The following OXSR1 variants were observed in gnomAD, a reference collection of about 807,000 sequenced individuals.
OXSR1 encodes the protein serine/threonine-protein kinase OSR1.
In OXSR1, 24 loss-of-function variants were observed where a neutral mutation model predicts 79.8. That is an observed-to-expected ratio of 0.30 (90% CI 0.22 to 0.42). The LOEUF (loss-of-function observed/expected upper bound fraction) is 0.42. OXSR1 is among the 10% of genes least tolerant of loss of function. OXSR1 has a pLI of 1.00. For synonymous variants in OXSR1, 226 were observed against 209.2 expected (o/e 1.08, Z -0.69); for missense variants, 430 against 618.4 (o/e 0.70, Z 3.23).
chr3:38,252,655 G>GC (rs1250580446), intron 17 of OXSR1, among the ~76,000 whole-genome samples, 162 bp from the exon 18 acceptor site: 2 of 152,014 alleles, frequency 1.3e-5, no homozygotes, highest in Non-Finnish European at 2.9e-5. Context: ...TGTTTACCCA[G>GC]CCCCCCTCTT....
At chr3:38,226,997 G>A (rs1702702398) in intron 8 of OXSR1, among the ~76,000 whole-genome samples, 1 of 152,228 alleles carries the variant, frequency 6.6e-6, no homozygotes, top group African/African-American at 2.4e-5. Context: ...GTGGTGAATG[G>A]CATGTAGGAA....
chr3:38,247,512 T>C (rs1448434514), intron 13 of OXSR1, among the ~76,000 whole-genome samples, 156 bp from the exon 14 acceptor site: 1 of 152,160 alleles, frequency 6.6e-6, no homozygotes. Context: ...GGAGTGCATG[T>C]CCTCCTCCAG....
intron 16 of OXSR1, among the ~76,000 whole-genome samples, chr3:38,251,689 C>A (rs1372324500): frequency 6.6e-6 from 1 of 152,158 alleles, no homozygotes; most frequent in Admixed American, 6.5e-5. Flanking sequence ...AGTGAAAGCA[C>A]ACCCAAGGTC....
In OXSR1 at chr3:38,206,886, T is replaced by C. The variant is rs1702272919; in HGVS notation, c.434+8023T>C. On this transcript the variant is annotated intron_variant, in intron 4 of 17. Transcript: ENST00000311806. ...CACTAATTGGGTGACCTCTGGCAAG[T>C]TATTTAATCTCTCTTTTGCCTTATT... Among the ~76,000 whole-genome samples the C allele has an allele frequency of 4.6e-5, 7 of 152,246 alleles. No homozygotes were observed. In the South Asian group the frequency reaches 1.4e-3, roughly 31 times the overall value.
intron 3 of OXSR1, among the ~76,000 whole-genome samples, chr3:38,195,053 T>C (rs1702050129): frequency 6.6e-6 from 1 of 152,372 alleles, no homozygotes; most frequent in African/African-American, 2.4e-5. Flanking sequence ...CTATCTTTGC[T>C]AGTTAAAACT....
chr3:38,201,598 T>A (rs930004223), intron 4 of OXSR1, among the ~76,000 whole-genome samples: 7 of 152,058 alleles, frequency 4.6e-5, no homozygotes, highest in African/African-American at 1.7e-4. Context: ...TAGTCCTAGC[T>A]ACTCAGGAGG....
chr3:38,219,108 A>G (rs1451440465), intron 5 of OXSR1, among the ~76,000 whole-genome samples: 1 of 152,140 alleles, frequency 6.6e-6, no homozygotes, highest in African/African-American at 2.4e-5. Context: ...TGGATTGATT[A>G]TGTTTCCTTA....
rs552208262 is a variant in OXSR1 at position 38,215,053 on chromosome 3, G to A, written c.435-1043G>A. Among the ~76,000 whole-genome samples the A allele has an allele frequency of 1.1e-3, 165 of 152,240 alleles. 1 individual carries two copies. Among genetic ancestry groups the A allele is most frequent in the African/African-American group, 3.9e-3 (162 of 41,538 alleles). On this transcript the variant is annotated intron_variant, in intron 4 of 17. Transcript: ENST00000311806. ...TTACAAAATGACTGTATTTCCACAA[G>A]TTATTCAGACACTGTTCCCTAGACT... is the stretch of plus-strand genomic sequence containing the variant.
chr3:38,224,499 A>C, intron 7 of OXSR1, 72 bp from the exon 8 acceptor site: 1 of 1,259,228 alleles, frequency 7.9e-7, no homozygotes, highest in African/African-American at 1.6e-5. Context: ...GCCTGTATTG[A>C]AAAATCTTGA....
chr3:38,225,793 C>G (rs1048093600), intron 8 of OXSR1, among the ~76,000 whole-genome samples: 1 of 152,118 alleles, frequency 6.6e-6, no homozygotes, highest in Non-Finnish European at 1.5e-5. Flanking sequence ...CAGTGGGTCA[C>G]TATTCATTCT....
In OXSR1 at chr3:38,176,041, T is replaced by A. The variant is rs73827636; in HGVS notation, c.71-6962T>A. On this transcript the variant is annotated intron_variant, in intron 1 of 17. Coordinates refer to ENST00000311806, the MANE Select transcript of OXSR1 (RefSeq NM_005109.3). ...ACCATTCCTTTTGTTCTTTAAAAAA[T>A]TTTTTTTTTCTAAAACATCCTATTA... 7.0e-3 allele frequency among the ~76,000 whole-genome samples: 1,050 copies of A among 150,672 alleles called. 9 individuals carry two copies. The highest frequency in any genetic ancestry group is 0.024 in the African/African-American group (956 of 40,462).
At chr3:38,229,566 A>G in intron 8 of OXSR1, 121 bp from the exon 9 acceptor site, 3 of 694,556 alleles carry the variant, frequency 4.3e-6, no homozygotes, top group Non-Finnish European at 7.6e-6. Context: ...TAAGGAAAGT[A>G]GAGTATACTG....
intron 8 of OXSR1, among the ~76,000 whole-genome samples, chr3:38,226,633 T>C (rs1249923009): frequency 6.6e-6 from 1 of 152,116 alleles, no homozygotes; most frequent in Non-Finnish European, 1.5e-5. Context: ...GGCATATATA[T>C]AACCTGTGAG....
chr3:38,188,308 C>T (rs764409596), intron 2 of OXSR1, among the ~76,000 whole-genome samples: 2 of 152,160 alleles, frequency 1.3e-5, no homozygotes, highest in Non-Finnish European at 2.9e-5. Flanking sequence ...TTGTACCTCT[C>T]TATTATTATC....
intron 4 of OXSR1, among the ~76,000 whole-genome samples, chr3:38,212,719 G>A (rs1702411447): frequency 6.6e-6 from 1 of 152,198 alleles, no homozygotes; most frequent in Non-Finnish European, 1.5e-5. Context: ...ACAGTGACAT[G>A]TGAGAAATGA....
chr3:38,187,589 C>T (rs945125194), intron 2 of OXSR1, among the ~76,000 whole-genome samples: 8 of 151,340 alleles, frequency 5.3e-5, no homozygotes, highest in African/African-American at 1.9e-4. Context: ...GTGAGTTTCA[C>T]GAAGGAATAA....
At chr3:38,180,861 TCTC>T (rs1025888026) in intron 1 of OXSR1, among the ~76,000 whole-genome samples, 3 of 152,052 alleles carry the variant, frequency 2.0e-5, no homozygotes, top group African/African-American at 7.2e-5. Flanking sequence ...CATTGTCTCA[TCTC>T]CTCTGACTGA....
At chr3:38,241,142 A>G (rs188854835) in intron 11 of OXSR1, among the ~76,000 whole-genome samples, 202 of 152,298 alleles carry the variant, frequency 1.3e-3, no homozygotes, top group Middle Eastern at 6.8e-3. Context: ...AAATTCCTTG[A>G]CTAGGTGATT....
chr3:38,244,671 G>GTGTGTGTGCGCA (rs759128810), intron 12 of OXSR1, among the ~76,000 whole-genome samples: 3 of 118,458 alleles, frequency 2.5e-5, no homozygotes, highest in East Asian at 4.5e-4. Flanking sequence ...GTGTGTGCGT[G>GTGTGTGTGCGCA]CGCATGTACC....
Sources: gnomAD v4.1 joint callset for allele counts (sites outside exome capture counted in the v4.1 genomes callset) on GRCh38, gnomAD v4.1.1 for gene constraint, MANE v1.5 for transcripts, NCBI Gene and HGNC (gene_info 2026-07-23, HGNC 2026-07-21) for gene names.